Variants in SPRED2 observed in about 807,000 individuals in gnomAD.
SPRED2 encodes the protein sprouty related EVH1 domain containing 2.
SPRED2 carries 47 observed loss-of-function variants against 43.0 expected under a neutral mutation model. The observed-to-expected ratio is 1.09, with a 90% CI of 0.87 to 1.40. The LOEUF is 1.40. Among genes scored for constraint, SPRED2 ranks in the 40% most tolerant of loss-of-function variants. The probability of loss-of-function intolerance (pLI) is 0.00; values close to 1 mark genes in which losing one functional copy is unlikely to be tolerated. For missense variants in SPRED2, 561 were observed against 586.4 expected (o/e 0.96, Z 0.45); for synonymous variants, 225 against 225.7 (o/e 1.00, Z 0.03).
chr2:65,382,831 G>A (rs1479285913), intron 1 of SPRED2, among the ~76,000 whole-genome samples: 2 of 152,130 alleles, frequency 1.3e-5, no homozygotes, highest in African/African-American at 4.8e-5. Context: ...CAACAGCCCA[G>A]GTGGCAAGGA....
intron 1 of SPRED2, among the ~76,000 whole-genome samples, chr2:65,418,580 G>T (rs577244420): frequency 2.6e-5 from 4 of 151,050 alleles, no homozygotes; most frequent in East Asian, 1.9e-4. Context: ...TTTTGACAGG[G>T]TCTCACTTTG....
chr2:65,312,669 T>C lies in SPRED2; in HGVS notation c.*832A>G, dbSNP rs1673102156. 1 of 985,872 alleles carries C rather than the reference T, an allele frequency of 1.0e-6. No individual in the cohort carries two copies. 61.1% of individuals were successfully genotyped at this position (985,872 alleles called of 1,614,324 possible). A position where few individuals can be genotyped will look rare whatever the true frequency, so the allele number is the denominator to read the frequency against. On this transcript the variant is annotated 3_prime_UTR_variant, in exon 6 of 6. Coordinates refer to ENST00000356388, the MANE Select transcript of SPRED2 (RefSeq NM_181784.3). ...AAAAAATGTTCTACTTTAGGGGTAA[T>C]GGGGAGGCTCATAGAAACCTGAAAT...
At chr2:65,414,832 G>A (rs925992895) in intron 1 of SPRED2, among the ~76,000 whole-genome samples, 2 of 152,176 alleles carry the variant, frequency 1.3e-5, no homozygotes, top group Non-Finnish European at 2.9e-5. Context: ...GAGGGGACTA[G>A]GCAGGAATTG....
At chr2:65,405,293 T>C (rs1277474466) in intron 1 of SPRED2, among the ~76,000 whole-genome samples, 2 of 152,222 alleles carry the variant, frequency 1.3e-5, no homozygotes, top group Non-Finnish European at 2.9e-5. Context: ...AGGTGATATA[T>C]AGTGATAGTG....
chr2:65,362,179 ACT>A (rs1219380101), intron 1 of SPRED2, among the ~76,000 whole-genome samples: 12 of 152,170 alleles, frequency 7.9e-5, no homozygotes, highest in African/African-American at 2.9e-4. Flanking sequence ...AGAAGGTATC[ACT>A]CTCATCCCAA....
chr2:65,399,500 A>G (rs964785706), intron 1 of SPRED2, among the ~76,000 whole-genome samples: 6 of 146,700 alleles, frequency 4.1e-5, no homozygotes, highest in African/African-American at 1.3e-4. Context: ...CTTCTGCCTC[A>G]GCCTCCCTAG....
At chr2:65,401,022 C>T (rs1304268085) in intron 1 of SPRED2, among the ~76,000 whole-genome samples, 3 of 152,128 alleles carry the variant, frequency 2.0e-5, no homozygotes, top group Admixed American at 2.0e-4. Context: ...GGCTGGTATG[C>T]AGTGGTGTGA....
chr2:65,384,143 C>A (rs1242479815), intron 1 of SPRED2, among the ~76,000 whole-genome samples: 1 of 152,062 alleles, frequency 6.6e-6, no homozygotes, highest in Non-Finnish European at 1.5e-5. Context: ...TCTCGGCCTC[C>A]TTCCCAGTGC....
intron 1 of SPRED2, among the ~76,000 whole-genome samples, chr2:65,423,952 A>C (rs1676497976): frequency 6.6e-6 from 1 of 151,886 alleles, no homozygotes; most frequent in Admixed American, 6.6e-5. Context: ...AGCATGCTCA[A>C]CTAATTTTGT....
At chr2:65,380,233 G>T (rs1175780354) in intron 1 of SPRED2, among the ~76,000 whole-genome samples, 2 of 152,160 alleles carry the variant, frequency 1.3e-5, no homozygotes, top group African/African-American at 4.8e-5. Flanking sequence ...AGCTATGCAA[G>T]CCCCAAAGAC....
chr2:65,328,091 A>G (rs1673700367), intron 4 of SPRED2, among the ~76,000 whole-genome samples: 1 of 151,958 alleles, frequency 6.6e-6, no homozygotes, highest in African/African-American at 2.4e-5. Context: ...ATATTTTCAA[A>G]CTATTTTCTC....
At chr2:65,430,824 G>A (rs1228950739) in intron 1 of SPRED2, among the ~76,000 whole-genome samples, 2 of 152,118 alleles carry the variant, frequency 1.3e-5, no homozygotes, top group East Asian at 3.9e-4. Context: ...AGGGGAGGAG[G>A]GGAGGGATAT....
Position 65,344,767 on chromosome 2 carries a change from A to C in SPRED2, c.156T>G (p.Asn52Lys). The C allele has an allele frequency of 6.2e-7, 1 of 1,614,178 alleles. No individual in the cohort carries two copies. Among genetic ancestry groups the C allele is most frequent in the Non-Finnish European group, 8.5e-7 (1 of 1,180,030 alleles). Residue 52 changes from asparagine (N) to lysine (K), a missense_variant, in exon 2 of 6, where the codon AAT becomes AAG. Physicochemically the swap from Asn to Lys is moderately conservative, Grantham distance 94. Transcript: ENST00000356388. ...CATGGATGAGAAAGCCGCTTCGTCC[A>C]TTGCCTTCGGGGTGCATGACCTTAC... The part of the protein sequence containing the change: ...GVCKVMHPEG[N>K]GRSGFLIHGE...
At chr2:65,315,693 C>T (rs544952616) in intron 5 of SPRED2, among the ~76,000 whole-genome samples, 1 of 152,346 alleles carries the variant, frequency 6.6e-6, no homozygotes, top group South Asian at 2.1e-4. Flanking sequence ...GAGATGGAGT[C>T]TTGCTCTGTT....
rs1302274460 is a variant in SPRED2 at position 65,432,501 on chromosome 2, A to T, written c.-514T>A. On this transcript the variant is annotated 5_prime_UTR_variant, in exon 1 of 6. Transcript: ENST00000356388. ...CGTCCGAGCCCCATCTCTCGACTCC[A>T]CCGATTTACTCCATATTGGATTCTC... 2 of 155,366 alleles carry T rather than the reference A, an allele frequency of 1.3e-5. No homozygotes were observed. The highest frequency in any genetic ancestry group is 2.4e-5 in the African/African-American group (1 of 41,434). 9.6% of individuals were successfully genotyped at this position (155,366 alleles called of 1,614,324 possible). A position where few individuals can be genotyped will look rare whatever the true frequency, so the allele number is the denominator to read the frequency against.
At chr2:65,343,971 ACT>A (rs1674261952) in intron 2 of SPRED2, among the ~76,000 whole-genome samples, 1 of 151,890 alleles carries the variant, frequency 6.6e-6, no homozygotes, top group Non-Finnish European at 1.5e-5. Flanking sequence ...ATATGGTGAA[ACT>A]CTGTCTCTAC....
intron 1 of SPRED2, among the ~76,000 whole-genome samples, chr2:65,430,610 C>G (rs1481080522): frequency 6.6e-6 from 1 of 152,144 alleles, no homozygotes; most frequent in African/African-American, 2.4e-5. Flanking sequence ...TCAATGCCTG[C>G]GGGGGGCAAA....
rs117846041 is a variant in SPRED2 at position 65,364,588 on chromosome 2, C to T, written c.27-19692G>A. Among the ~76,000 whole-genome samples, 3 of 152,340 alleles carry T rather than the reference C, an allele frequency of 2.0e-5. No homozygotes were observed. In the East Asian group the frequency reaches 5.8e-4, roughly 29 times the overall value. ...CCAATTTCAATGGTCAGTATACCCT[C>T]TGTGTACTGTAACCAAAGCTAACAG... On this transcript the variant is annotated intron_variant, in intron 1 of 5. Coordinates refer to ENST00000356388, the MANE Select transcript of SPRED2 (RefSeq NM_181784.3).
intron 1 of SPRED2, among the ~76,000 whole-genome samples, chr2:65,353,281 G>T (rs1190333587): frequency 6.6e-6 from 1 of 152,212 alleles, no homozygotes; most frequent in Non-Finnish European, 1.5e-5. Flanking sequence ...CAAAGAGGGA[G>T]GTAAGGGGCA....
Sources: allele counts gnomAD v4.1 joint callset (sites outside exome capture counted in the v4.1 genomes callset), GRCh38; gene constraint gnomAD v4.1.1; transcripts MANE v1.5; gene names NCBI Gene and HGNC (gene_info 2026-07-23, HGNC 2026-07-21).